CAMK1D: variants seen among roughly 807,000 people sequenced by gnomAD.
CAMK1D encodes calcium/calmodulin-dependent protein kinase type 1D.
A neutral mutation model predicts 47.7 loss-of-function variants in CAMK1D; 9 were observed. The observed-to-expected ratio is 0.19, with a 90% CI of 0.11 to 0.33. CAMK1D has a LOEUF of 0.33. Among genes scored for constraint, CAMK1D ranks in the 10% least tolerant of loss-of-function variants. The probability of loss-of-function intolerance (pLI) is 1.00; values close to 1 mark genes in which losing one functional copy is unlikely to be tolerated. For missense variants in CAMK1D, 291 were observed against 488.7 expected (o/e 0.60, Z 3.81); for synonymous variants, 184 against 184.9 (o/e 0.99, Z 0.04).
At chr10:12,729,015 A>C (rs767549942) in intron 3 of CAMK1D, among the ~76,000 whole-genome samples, 8 of 152,246 alleles carry the variant, frequency 5.3e-5, no homozygotes, top group Non-Finnish European at 1.0e-4. Context: ...CAATGCATGA[A>C]AAAACTGAAA....
At chr10:12,763,958 C>T (rs546337646) in intron 4 of CAMK1D, among the ~76,000 whole-genome samples, 1 of 152,184 alleles carries the variant, frequency 6.6e-6, no homozygotes. Flanking sequence ...CCCCCACCCC[C>T]ACAGCCCTCC....
chr10:12,795,265 A>G (rs1369602982), intron 6 of CAMK1D, among the ~76,000 whole-genome samples: 2 of 152,184 alleles, frequency 1.3e-5, no homozygotes, highest in African/African-American at 4.8e-5. Context: ...TCATGAAGCT[A>G]TCCTCTGACT....
At chr10:12,691,386 TATATATATATATATATAAATATATATATA>T (rs1564495467) in intron 3 of CAMK1D, among the ~76,000 whole-genome samples, 2 of 7,202 alleles carry the variant, frequency 2.8e-4, no homozygotes, top group Non-Finnish European at 5.4e-4. Flanking sequence ...TAAATATATA[TATATATATATATATATAAATATATATATA>T]TATATATTTT....
At chr10:12,758,146 G>A (rs1233491755) in intron 3 of CAMK1D, among the ~76,000 whole-genome samples, 5 of 151,910 alleles carry the variant, frequency 3.3e-5, no homozygotes, top group East Asian at 1.9e-4. Context: ...CACCACACCC[G>A]GCTGCATCCT....
intron 2 of CAMK1D, among the ~76,000 whole-genome samples, chr10:12,568,079 C>CCCTCCCACCTTGCCTGCCTGT (rs1837180616): frequency 6.6e-6 from 1 of 151,542 alleles, no homozygotes; most frequent in Non-Finnish European, 1.5e-5. Context: ...GGCCTGCCCG[C>CCCTCCCACCTTGCCTGCCTGT]CCTCCCACCT....
chr10:12,610,343 G>A (rs1338193209), intron 2 of CAMK1D, among the ~76,000 whole-genome samples: 1 of 152,090 alleles, frequency 6.6e-6, no homozygotes, highest in Non-Finnish European at 1.5e-5. Flanking sequence ...TAATATATCT[G>A]CTGTCCTCTG....
chr10:12,539,928 T>A (rs75267340), intron 1 of CAMK1D, among the ~76,000 whole-genome samples: 7 of 152,122 alleles, frequency 4.6e-5, no homozygotes, highest in African/African-American at 1.7e-4. Flanking sequence ...TGAATTTTTT[T>A]AAGAGACAGG....
At chr10:12,607,300 C>T (rs991214521) in intron 2 of CAMK1D, among the ~76,000 whole-genome samples, 20 of 152,212 alleles carry the variant, frequency 1.3e-4, no homozygotes, top group African/African-American at 4.6e-4. Flanking sequence ...ATCTGCATGT[C>T]TCATTCTGTG....
intron 2 of CAMK1D, among the ~76,000 whole-genome samples, chr10:12,597,984 CA>C (rs57853423): frequency 0.029 from 4,446 of 152,290 alleles, 175 homozygotes; most frequent in African/African-American, 0.089. Context: ...AAGGAAAAAA[CA>C]ACATGCACAG....
chr10:12,547,290 G>C (rs903410980), intron 1 of CAMK1D, among the ~76,000 whole-genome samples: 2 of 152,230 alleles, frequency 1.3e-5, no homozygotes, highest in African/African-American at 2.4e-5. Context: ...GGGGGGCCCA[G>C]CCCACAAGGG....
intron 3 of CAMK1D, among the ~76,000 whole-genome samples, chr10:12,749,901 G>A (rs934702713): frequency 6.6e-6 from 1 of 152,154 alleles, no homozygotes; most frequent in African/African-American, 2.4e-5. Flanking sequence ...GCCAGAAAGT[G>A]TGTTTTAAAA....
chr10:12,363,220 C>T (rs1407723360), intron 1 of CAMK1D, among the ~76,000 whole-genome samples: 1 of 151,654 alleles, frequency 6.6e-6, no homozygotes, highest in Non-Finnish European at 1.5e-5. Flanking sequence ...GGATTACAGG[C>T]GTGAACCACC....
At chr10:12,627,811 T>C (rs1310154817) in intron 2 of CAMK1D, among the ~76,000 whole-genome samples, 1 of 152,192 alleles carries the variant, frequency 6.6e-6, no homozygotes. Flanking sequence ...CCAGGTGCAG[T>C]GGCTCACGCC....
At chr10:12,721,167 G>A (rs1177430289) in intron 3 of CAMK1D, among the ~76,000 whole-genome samples, 2 of 152,224 alleles carry the variant, frequency 1.3e-5, no homozygotes, top group Admixed American at 1.3e-4. Flanking sequence ...AAGCTTGGAC[G>A]TACAGAATAG....
At chr10:12,801,772 G>A (rs1292123393) in intron 6 of CAMK1D, among the ~76,000 whole-genome samples, 2 of 151,926 alleles carry the variant, frequency 1.3e-5, no homozygotes, top group Non-Finnish European at 2.9e-5. Flanking sequence ...TGTTTTATGT[G>A]TCATACATAT....
rs1277896922 is a variant in CAMK1D at position 12,564,163 on chromosome 10, C to G, written c.224+10807C>G. ...TCTCTCTCTGTCTCTCTCTCTCTCT[C>G]TCTCTCTCTCTCTCTCTCATAGGCT... is the stretch of plus-strand genomic sequence containing the variant. On this transcript the variant is annotated intron_variant, in intron 2 of 10. Coordinates refer to ENST00000619168, the MANE Select transcript of CAMK1D (RefSeq NM_153498.4). Among the ~76,000 whole-genome samples, 58 of 150,434 alleles carry G rather than the reference C, an allele frequency of 3.9e-4. 1 individual carries two copies. Among genetic ancestry groups the G allele is most frequent in the East Asian group, 5.9e-4 (3 of 5,086 alleles).
chr10:12,520,287 T>C lies in CAMK1D; in HGVS notation c.93-32938T>C, dbSNP rs1305503016. 6.1e-5 allele frequency among the ~76,000 whole-genome samples: 5 copies of C among 81,608 alleles called. 1 individual carries two copies. Among genetic ancestry groups the C allele is most frequent in the Admixed American group, 3.6e-4 (3 of 8,314 alleles). 53.5% of individuals were successfully genotyped at this position (81,608 alleles called of 152,430 possible). The stretch of plus-strand genomic sequence containing the variant: ...CCCAGCAGAGGCGCTCCTCACATCC[T>C]AGACAGGGCGGCGGGGCAGAGGCGC... On this transcript the variant is annotated intron_variant, in intron 1 of 10. Coordinates refer to ENST00000619168, the MANE Select transcript of CAMK1D (RefSeq NM_153498.4).
At position 12,496,946 on chromosome 10, in the gene CAMK1D, G is replaced by C. The variant is rs372329320; in HGVS notation, c.93-56279G>C. On this transcript the variant is annotated intron_variant, in intron 1 of 10. Coordinates refer to ENST00000619168, the MANE Select transcript of CAMK1D (RefSeq NM_153498.4). ...GGTGTTTTCCTCCCTGTGTCCGTGTGTTCGCATAGTTCAGCTCCCACTTAT... is the reference window on the plus strand; with the variant it reads ...GGTGTTTTCCTCCCTGTGTCCGTGTCTTCGCATAGTTCAGCTCCCACTTAT... 2.3e-4 allele frequency among the ~76,000 whole-genome samples: 35 copies of C among 152,252 alleles called. 1 individual carries two copies. In the East Asian group the frequency reaches 6.2e-3, roughly 27 times the overall value.
At chr10:12,534,281 C>T (rs1588603560) in intron 1 of CAMK1D, among the ~76,000 whole-genome samples, 2 of 152,236 alleles carry the variant, frequency 1.3e-5, no homozygotes, top group East Asian at 3.8e-4. Context: ...GCAATCTCGG[C>T]TCACTGCAAC....
Sources: gnomAD v4.1 joint callset for allele counts (sites outside exome capture counted in the v4.1 genomes callset) on GRCh38, gnomAD v4.1.1 for gene constraint, MANE v1.5 for transcripts, NCBI Gene and HGNC (gene_info 2026-07-23, HGNC 2026-07-21) for gene names.